The following TRPM3 variants were observed in gnomAD, a reference collection of about 807,000 sequenced individuals.
The protein encoded by TRPM3 is long transient receptor potential channel 3.
In TRPM3, 77 loss-of-function variants were observed where a neutral mutation model predicts 181.2. That is an observed-to-expected ratio of 0.42 (90% CI 0.35 to 0.51). The LOEUF (loss-of-function observed/expected upper bound fraction) is 0.51, where lower values mean the gene tolerates loss of function less well. Among genes scored for constraint, TRPM3 ranks in the 20% least tolerant of loss-of-function variants. The probability of loss-of-function intolerance (pLI) is 0.01; values close to 1 mark genes in which losing one functional copy is unlikely to be tolerated. For synonymous variants in TRPM3, 745 were observed against 796.4 expected, an observed-to-expected ratio of 0.94 and a Z score of 1.09; for missense variants, 1,759 against 2,196.7, an observed-to-expected ratio of 0.80 and a Z score of 3.98.
intron 1 of TRPM3, among the ~76,000 whole-genome samples, chr9:71,008,455 C>A (rs924146853): frequency 6.6e-6 from 1 of 152,092 alleles, no homozygotes; most frequent in African/African-American, 2.4e-5. Flanking sequence ...AAGGACACAA[C>A]AAAACCATAA....
chr9:70,594,539 G>A (rs1411165570), intron 21 of TRPM3, among the ~76,000 whole-genome samples: 1 of 152,178 alleles, frequency 6.6e-6, no homozygotes, highest in African/African-American at 2.4e-5. Flanking sequence ...TAGGCTTAGA[G>A]AATTCCATTG....
At position 71,073,028 on chromosome 9, in the gene TRPM3, A is replaced by C. The variant is rs1591186782; in HGVS notation, c.177+48150T>G. The stretch of plus-strand genomic sequence containing the variant: ...GCCATCTTCCCCGGCCCCTTCCTTT[A>C]AAACAGTTTCCTTTGTCTTAAGTTT... On this transcript the variant is annotated intron_variant, in intron 1 of 25. Transcript: ENST00000677713. 3.3e-5 allele frequency among the ~76,000 whole-genome samples: 5 copies of C among 152,302 alleles called. 1 individual carries two copies. The South Asian group carries it at 1.0e-3, about 32-fold the overall frequency.
At position 70,812,772 on chromosome 9, in the gene TRPM3, C is replaced by A. The variant is rs528887327; in HGVS notation, c.973+15075G>T. ...GCTGGTATTTTCAGCTTCTTTTTCC[C>A]CCATTTATCAAACTCTAATGAAAAA... On this transcript the variant is annotated intron_variant, in intron 6 of 25. Transcript: ENST00000677713. Among the ~76,000 whole-genome samples, 73 of 152,116 alleles carry A rather than the reference C, an allele frequency of 4.8e-4. No individual in the cohort carries two copies. The South Asian group carries it at 5.6e-3, about 12-fold the overall frequency.
rs770348129 is a variant in TRPM3, at chr9:70,537,399, C to T, written c.3714G>A (p.Glu1238=). 2 of 1,466,448 alleles carry T rather than the reference C, an allele frequency of 1.4e-6. No homozygotes were observed. Among genetic ancestry groups the T allele is most frequent in the African/African-American group, 2.8e-5 (2 of 70,986 alleles). The allele number at this position is 1,466,448 out of a possible 1,614,324, so 90.8% of individuals were successfully genotyped here. A position where few individuals can be genotyped will look rare whatever the true frequency, so the allele number is the denominator to read the frequency against. Residue 1238 remains glutamate, a synonymous_variant, in exon 26 of 26, where the codon GAG becomes GAA. Transcript: ENST00000677713. ...ERIRVTSERV[E]NMSMRLEEVN... ...CTTCCTCCAGCCGCATAGACATGTTCTCCACCCTGCGCGAGGAAGAGAGAA... is the reference window on the plus strand; with the variant it reads ...CTTCCTCCAGCCGCATAGACATGTTTTCCACCCTGCGCGAGGAAGAGAGAA...
At chr9:70,761,120 T>G in intron 8 of TRPM3, 1 of 278,574 alleles carries the variant, frequency 3.6e-6, no homozygotes, top group Non-Finnish European at 6.7e-6. Flanking sequence ...TAGAAACACA[T>G]TTTGCTCTGA....
chr9:71,154,064 T>C (rs1243167930), intron 1 of TRPM3, among the ~76,000 whole-genome samples: 2 of 151,966 alleles, frequency 1.3e-5, no homozygotes, highest in Admixed American at 6.6e-5. Flanking sequence ...AATAAACAAA[T>C]AACAACAACA....
At chr9:70,908,935 G>C (rs1440956971) in intron 1 of TRPM3, among the ~76,000 whole-genome samples, 1 of 152,122 alleles carries the variant, frequency 6.6e-6, no homozygotes, top group African/African-American at 2.4e-5. Context: ...CAAAACTACC[G>C]CATCTTATGC....
At chr9:71,332,885 G>T (rs1432339748) in intron 1 of TRPM3, among the ~76,000 whole-genome samples, 1 of 149,710 alleles carries the variant, frequency 6.7e-6, no homozygotes, top group Non-Finnish European at 1.5e-5. Flanking sequence ...ATTCTAGTAG[G>T]TTTTCTTAAA....
chr9:70,974,883 T>TTTTTTTTTTTTTTTG (rs2097287794), intron 1 of TRPM3, among the ~76,000 whole-genome samples: 9 of 147,940 alleles, frequency 6.1e-5, no homozygotes, highest in Admixed American at 2.0e-4. Context: ...TTTTTTTTTT[T>TTTTTTTTTTTTTTTG]GAGGTAGAGT....
chr9:71,134,150 T>C (rs1178263511), intron 1 of TRPM3, among the ~76,000 whole-genome samples: 2 of 152,172 alleles, frequency 1.3e-5, no homozygotes, highest in African/African-American at 4.8e-5. Context: ...TATAGGCCCA[T>C]CCAAATGGTG....
chr9:70,655,451 G>T (rs1287249007), intron 9 of TRPM3, among the ~76,000 whole-genome samples: 1 of 150,934 alleles, frequency 6.6e-6, no homozygotes, highest in Non-Finnish European at 1.5e-5. Context: ...TTTCTTTTCA[G>T]CCTGCTTTAA....
chr9:70,916,697 T>C (rs1438739763), intron 1 of TRPM3, among the ~76,000 whole-genome samples: 2 of 152,226 alleles, frequency 1.3e-5, no homozygotes, highest in Admixed American at 1.3e-4. Flanking sequence ...TATATATTCT[T>C]AGTGCTTAGA....
intron 1 of TRPM3, among the ~76,000 whole-genome samples, chr9:71,145,060 G>C (rs1418136364): frequency 6.6e-6 from 1 of 152,012 alleles, no homozygotes; most frequent in Non-Finnish European, 1.5e-5. Context: ...TTGACTAATA[G>C]TCCAACAAAA....
intron 7 of TRPM3, among the ~76,000 whole-genome samples, chr9:70,771,530 TA>T (rs1204566596): frequency 9.9e-5 from 15 of 152,106 alleles, no homozygotes; most frequent in Admixed American, 4.6e-4. Context: ...CCAGCTATGG[TA>T]AAACAGAAGG....
At chr9:71,143,365 G>A (rs748712112) in intron 1 of TRPM3, among the ~76,000 whole-genome samples, 3 of 152,088 alleles carry the variant, frequency 2.0e-5, no homozygotes, top group Non-Finnish European at 2.9e-5. Context: ...AAAGGCCCCA[G>A]TGGGTGTTGT....
intron 1 of TRPM3, among the ~76,000 whole-genome samples, chr9:71,132,534 G>A (rs1216460795): frequency 9.9e-5 from 15 of 152,088 alleles, no homozygotes; most frequent in Admixed American, 7.2e-4. Context: ...TCTATGTCTT[G>A]AATAAAGTGG....
upstream of TRPM3, among the ~76,000 whole-genome samples, chr9:71,123,197 C>T (rs532509701): frequency 2.8e-4 from 42 of 152,276 alleles, 1 homozygote; most frequent in South Asian, 6.6e-3. Flanking sequence ...AAAACCACTG[C>T]CTCTGTTTTT....
At chr9:70,833,430 C>A (rs138917118) in intron 5 of TRPM3, among the ~76,000 whole-genome samples, 1 of 152,138 alleles carries the variant, frequency 6.6e-6, no homozygotes, top group Admixed American at 6.5e-5. Context: ...CCTAATAGCA[C>A]CATCATTTTA....
In TRPM3 at chr9:70,676,301, A is replaced by G. The variant is rs141495021; in HGVS notation, c.1345+5205T>C. Among the ~76,000 whole-genome samples, 66 of 152,360 alleles carry G rather than the reference A, an allele frequency of 4.3e-4. No homozygotes were observed. In the East Asian group the frequency reaches 0.012, roughly 28 times the overall value. ...CATGTACGAATGAAACTATACAGTC[A>G]TGTGGTCTGACTTTATATTGAATCC... On this transcript the variant is annotated intron_variant, in intron 9 of 25. Transcript: ENST00000677713.
Sources: gnomAD v4.1 joint callset for allele counts (sites outside exome capture counted in the v4.1 genomes callset) on GRCh38, gnomAD v4.1.1 for gene constraint, MANE v1.5 for transcripts, NCBI Gene and HGNC (gene_info 2026-07-23, HGNC 2026-07-21) for gene names.